Variants in ZNF407 observed in about 807,000 individuals in gnomAD.
The protein encoded by ZNF407 is zinc finger protein 407.
In ZNF407, 17 loss-of-function variants were observed where a neutral mutation model predicts 131.2. That is an observed-to-expected ratio of 0.13 (90% CI 0.09 to 0.19). The LOEUF (loss-of-function observed/expected upper bound fraction) is 0.19. ZNF407 is among the 10% of genes least tolerant of loss of function. ZNF407 has a pLI of 1.00. For missense variants in ZNF407, 2,681 were observed against 2,830.6 expected (o/e 0.95, Z 1.20); for synonymous variants, 1,156 against 1,062.0 (o/e 1.09, Z -1.72).
At chr18:74,939,458 A>G (rs1972073546) in intron 8 of ZNF407, among the ~76,000 whole-genome samples, 1 of 152,252 alleles carries the variant, frequency 6.6e-6, no homozygotes, top group African/African-American at 2.4e-5. Context: ...GACAGATAAC[A>G]GGATTAATAT....
intron 8 of ZNF407, among the ~76,000 whole-genome samples, chr18:74,952,743 CA>C (rs1972230171): frequency 6.6e-6 from 1 of 152,148 alleles, no homozygotes; most frequent in Non-Finnish European, 1.5e-5. Context: ...TGTGTTTTGA[CA>C]GAAGTATAAA....
chr18:74,769,010 C>CCCTGACTGAGTACTGTA (rs1969305257), intron 3 of ZNF407, among the ~76,000 whole-genome samples: 1 of 152,144 alleles, frequency 6.6e-6, no homozygotes, highest in African/African-American at 2.4e-5. Context: ...TCGTCATTGT[C>CCCTGACTGAGTACTGTA]ATCATTATCA....
chr18:74,816,216 T>C (rs77025298), intron 4 of ZNF407, among the ~76,000 whole-genome samples: 7,828 of 152,266 alleles, frequency 0.051, 633 homozygotes, highest in African/African-American at 0.17. Context: ...TTGGCTGATG[T>C]TGACTTTGAG....
rs183447147 is a variant in ZNF407, at chr18:74,792,015, G to A, written c.4877+10513G>A. ...GCTTTATATGGCACTGCCACTTACC[G>A]AGTCACCCTCAAGTTCATTGTACTT... On this transcript the variant is annotated intron_variant, in intron 4 of 8. Coordinates refer to ENST00000299687, the MANE Select transcript of ZNF407 (RefSeq NM_017757.3). Among the ~76,000 whole-genome samples the A allele has an allele frequency of 4.8e-4, 73 of 152,188 alleles. 1 individual carries two copies. Among genetic ancestry groups the A allele is most frequent in the Middle Eastern group, 3.4e-3 (1 of 294 alleles).
Position 74,631,987 on chromosome 18 carries a change from T to A in ZNF407, c.968T>A (p.Val323Glu). ...AGTGATTCAAAAGGATTACGAAATG[T>A]GGGAAGCACGTTTAAAGATTTCAGA... ...KNSDSKGLRN[V>E]GSTFKDFRGS... The change falls in exon 2 of 9, where the codon GTG becomes GAG. Residue 323 changes from valine to glutamate, a missense_variant. Physicochemically the swap from Val to Glu is moderately radical, Grantham distance 121 (BLOSUM62 -2). Transcript: ENST00000299687. 1 of 1,613,960 alleles carries A rather than the reference T, an allele frequency of 6.2e-7. No homozygotes were observed. The highest frequency in any genetic ancestry group is 1.3e-5 in the African/African-American group (1 of 75,048).
At chr18:74,970,405 A>G (rs981032085) in intron 8 of ZNF407, among the ~76,000 whole-genome samples, 3 of 152,244 alleles carry the variant, frequency 2.0e-5, no homozygotes, top group Admixed American at 1.3e-4. Flanking sequence ...CCTTCCGCCT[A>G]TGAGCCTGTA....
chr18:74,866,558 A>G lies in ZNF407; in HGVS notation c.4878-10639A>G, dbSNP rs182615059. Among the ~76,000 whole-genome samples the G allele has an allele frequency of 8.9e-4, 136 of 152,286 alleles. 1 individual carries two copies. The highest frequency in any genetic ancestry group is 3.2e-3 in the African/African-American group (133 of 41,558). On this transcript the variant is annotated intron_variant, in intron 4 of 8. Coordinates refer to ENST00000299687, the MANE Select transcript of ZNF407 (RefSeq NM_017757.3). ...GTACTCAAATTTCTTGAAATTATGT[A>G]TCCATAATAGATACATAAAGACCTA...
In ZNF407 at chr18:74,863,860, G is replaced by A. The variant is rs559927907; in HGVS notation, c.4878-13337G>A. On this transcript the variant is annotated intron_variant, in intron 4 of 8. Transcript: ENST00000299687. ...TTGCTGTTACTATTCCACCACCTTTGCATATCTGAACCTCTGGTTTTATAG... is the reference window on the plus strand; with the variant it reads ...TTGCTGTTACTATTCCACCACCTTTACATATCTGAACCTCTGGTTTTATAG... 5.4e-4 allele frequency among the ~76,000 whole-genome samples: 82 copies of A among 152,254 alleles called. 1 individual carries two copies. Among genetic ancestry groups the A allele is most frequent in the African/African-American group, 1.7e-3 (70 of 41,554 alleles).
intron 1 of ZNF407, among the ~76,000 whole-genome samples, chr18:74,626,882 G>T (rs1983808353): frequency 6.6e-6 from 1 of 152,198 alleles, no homozygotes; most frequent in South Asian, 2.1e-4. Flanking sequence ...CTGCGAAGGT[G>T]CATGAGGCAT....
chr18:74,691,948 G>T (rs984809206), intron 3 of ZNF407, among the ~76,000 whole-genome samples: 10 of 152,204 alleles, frequency 6.6e-5, no homozygotes, highest in Admixed American at 6.5e-4. Flanking sequence ...AGAAAAATTA[G>T]CCAGGTGTGG....
chr18:74,758,829 C>G (rs1969025408), intron 3 of ZNF407, among the ~76,000 whole-genome samples: 1 of 152,092 alleles, frequency 6.6e-6, no homozygotes, highest in African/African-American at 2.4e-5. Context: ...ATCCGCCCAC[C>G]TTGACTTCCC....
chr18:74,882,506 G>T (rs1033292855), intron 6 of ZNF407, among the ~76,000 whole-genome samples: 1 of 152,180 alleles, frequency 6.6e-6, no homozygotes, highest in African/African-American at 2.4e-5. Flanking sequence ...GTTAGGTACA[G>T]GTAGCTTCTG....
intron 8 of ZNF407, among the ~76,000 whole-genome samples, chr18:75,025,858 T>C (rs1389081098): frequency 6.6e-6 from 1 of 152,226 alleles, no homozygotes; most frequent in Non-Finnish European, 1.5e-5. Context: ...CTAAATGAGA[T>C]CTTAGCAAAA....
At chr18:75,037,021 C>T (rs1044619762) in intron 8 of ZNF407, among the ~76,000 whole-genome samples, 2 of 152,178 alleles carry the variant, frequency 1.3e-5, no homozygotes, top group African/African-American at 4.8e-5. Flanking sequence ...GGTAAAATCA[C>T]AAGCTGACTC....
intron 3 of ZNF407, among the ~76,000 whole-genome samples, chr18:74,764,972 A>G (rs1185562221): frequency 6.6e-6 from 1 of 152,204 alleles, no homozygotes; most frequent in African/African-American, 2.4e-5. Context: ...AGGAGAAGGA[A>G]AGCAGGAGGG....
intron 7 of ZNF407, among the ~76,000 whole-genome samples, chr18:74,892,471 G>A (rs577823243): frequency 1.3e-5 from 2 of 152,112 alleles, no homozygotes; most frequent in Non-Finnish European, 2.9e-5. Flanking sequence ...ATGAGCGTCC[G>A]CCCTTGTTTT....
chr18:75,030,651 C>T (rs908435324), intron 8 of ZNF407, among the ~76,000 whole-genome samples: 3 of 152,252 alleles, frequency 2.0e-5, no homozygotes, highest in South Asian at 2.1e-4. Context: ...CCCTCGGGCT[C>T]GGCTGGAAGT....
chr18:75,035,340 A>G (rs1233855715), intron 8 of ZNF407, among the ~76,000 whole-genome samples: 1 of 152,238 alleles, frequency 6.6e-6, no homozygotes, highest in Non-Finnish European at 1.5e-5. Context: ...GATACCTGTT[A>G]GAGTCCAGAA....
chr18:74,991,341 A>G (rs982715067), intron 8 of ZNF407, among the ~76,000 whole-genome samples: 4 of 152,334 alleles, frequency 2.6e-5, no homozygotes, highest in African/African-American at 9.6e-5. Context: ...TGTGGTTTTC[A>G]GTAGCTTTTA....
Sources: gnomAD v4.1 joint callset for allele counts (sites outside exome capture counted in the v4.1 genomes callset) on GRCh38, gnomAD v4.1.1 for gene constraint, MANE v1.5 for transcripts, NCBI Gene and HGNC (gene_info 2026-07-23, HGNC 2026-07-21) for gene names.